The following DRAM1 variants were observed in gnomAD, a reference collection of about 807,000 sequenced individuals.
DRAM1 encodes the protein DNA damage regulated autophagy modulator 1.
In DRAM1, 25 loss-of-function variants were observed where a neutral mutation model predicts 28.5. The ratio of observed to expected loss-of-function variants is 0.88; its 90% CI spans 0.64 to 1.23. The LOEUF is 1.23. Among genes scored for constraint, DRAM1 ranks in the 50% most tolerant of loss-of-function variants. DRAM1 has a pLI of 0.00. For synonymous variants in DRAM1, 113 were observed against 114.2 expected, an observed-to-expected ratio of 0.99 and a Z score of 0.07; for missense variants, 249 against 299.2, an observed-to-expected ratio of 0.83 and a Z score of 1.24.
In DRAM1 at chr12:101,901,374, GT is replaced by G; in HGVS notation, c.284del (p.Val95GlyfsTer3). 1 of 1,614,104 alleles carries G rather than the reference GT, an allele frequency of 6.2e-7. No individual in the cohort carries two copies. Among genetic ancestry groups the G allele is most frequent in the Non-Finnish European group, 8.5e-7 (1 of 1,180,028 alleles). ...CYFSTPVFNL[V>X]SLVLGLVGCF... Reference sequence around the variant, plus strand: ...TTTCAGCACTCCTGTTTTTAACTTGGTGTCTTTAGTGCTTGGATTGGTGGGA... The same window carrying G: ...TTTCAGCACTCCTGTTTTTAACTTGGGTCTTTAGTGCTTGGATTGGTGGGA... On this transcript the variant is annotated frameshift_variant, in exon 3 of 7. Transcript: ENST00000258534. LOFTEE classifies it high-confidence loss of function.
chr12:101,912,538 A>T (rs115351552), intron 4 of DRAM1, among the ~76,000 whole-genome samples: 431 of 152,288 alleles, frequency 2.8e-3, no homozygotes, highest in African/African-American at 9.8e-3. Context: ...TAAACGAAAT[A>T]ATTAAGAGGC....
At chr12:101,905,325 A>G (rs1226886224) in intron 3 of DRAM1, among the ~76,000 whole-genome samples, 1 of 152,078 alleles carries the variant, frequency 6.6e-6, no homozygotes. Flanking sequence ...TCTGTTGCTC[A>G]GGCTGGAGTG....
At chr12:101,892,323 C>T (rs4764833) in intron 1 of DRAM1, among the ~76,000 whole-genome samples, 96,477 of 151,210 alleles carry the variant, frequency 0.64, 32,398 homozygotes, top group East Asian at 0.91. Flanking sequence ...GCAACCTCCA[C>T]CTCCTGGGTT....
At chr12:101,904,951 A>G (rs765163590) in intron 3 of DRAM1, among the ~76,000 whole-genome samples, 2 of 152,174 alleles carry the variant, frequency 1.3e-5, no homozygotes, top group Non-Finnish European at 2.9e-5. Context: ...CTGGAATGCA[A>G]TAGCACAATC....
intron 5 of DRAM1, among the ~76,000 whole-genome samples, chr12:101,917,943 C>T (rs764628419): frequency 6.6e-6 from 1 of 152,090 alleles, no homozygotes; most frequent in Non-Finnish European, 1.5e-5. Context: ...ATCACAAACC[C>T]GCTGCTGGGA....
intron 1 of DRAM1, among the ~76,000 whole-genome samples, chr12:101,893,488 A>T (rs1156782624): frequency 6.6e-6 from 1 of 152,156 alleles, no homozygotes; most frequent in Admixed American, 6.6e-5. Context: ...GCCCCCAATC[A>T]TTCTCCTAAT....
intron 1 of DRAM1, among the ~76,000 whole-genome samples, chr12:101,895,198 T>TTTGTTTTGTTTTTTTTTTTG (rs1404559516): frequency 7.8e-6 from 1 of 128,772 alleles, no homozygotes; most frequent in Non-Finnish European, 1.6e-5. Context: ...TTTTTTTTTT[T>TTTGTTTTGTTTTTTTTTTTG]TTTTTTTTTT....
chr12:101,907,723 G>T (rs1426489955), intron 3 of DRAM1, among the ~76,000 whole-genome samples: 1 of 152,186 alleles, frequency 6.6e-6, no homozygotes, highest in Non-Finnish European at 1.5e-5. Flanking sequence ...TGGGCAGCAA[G>T]AGTGAAACTC....
At chr12:101,909,922 A>G (rs1873976581) in intron 4 of DRAM1, among the ~76,000 whole-genome samples, 1 of 152,244 alleles carries the variant, frequency 6.6e-6, no homozygotes, top group Non-Finnish European at 1.5e-5. Context: ...GACTAATGTC[A>G]GATTGTAGGA....
intron 1 of DRAM1, among the ~76,000 whole-genome samples, chr12:101,893,038 G>A (rs17032035): frequency 6.6e-6 from 1 of 152,234 alleles, no homozygotes; most frequent in Non-Finnish European, 1.5e-5. Context: ...GATGGTGGGT[G>A]TTATAGCCTC....
At chr12:101,917,128 A>C (rs906748801) in intron 5 of DRAM1, among the ~76,000 whole-genome samples, 2 of 152,394 alleles carry the variant, frequency 1.3e-5, no homozygotes, top group Non-Finnish European at 2.9e-5. Context: ...TTTGTCAAAA[A>C]GTAGTTTCAG....
chr12:101,889,940 C>CA (rs778793274), intron 1 of DRAM1: 26,640 of 240,872 alleles, frequency 0.11, 759 homozygotes, highest in East Asian at 0.16. Context: ...GACTCTGTCT[C>CA]AAAAAAAAAA....
At chr12:101,903,988 AATT>A (rs1415099724) in intron 3 of DRAM1, among the ~76,000 whole-genome samples, 7 of 151,766 alleles carry the variant, frequency 4.6e-5, no homozygotes, top group African/African-American at 9.7e-5. Context: ...AAATATGAAC[AATT>A]ATTATTATTT....
At chr12:101,907,816 A>T (rs529097124) in intron 3 of DRAM1, among the ~76,000 whole-genome samples, 2 of 152,194 alleles carry the variant, frequency 1.3e-5, no homozygotes, top group Non-Finnish European at 2.9e-5. Flanking sequence ...TGCAAGACTG[A>T]GATGATTATG....
chr12:101,896,922 G>A (rs1210446573), intron 1 of DRAM1, among the ~76,000 whole-genome samples: 1 of 151,836 alleles, frequency 6.6e-6, no homozygotes, highest in Admixed American at 6.6e-5. Flanking sequence ...TGAGTAGCTG[G>A]GGTTACAGGC....
chr12:101,879,939 C>G (rs1161725465), intron 1 of DRAM1, among the ~76,000 whole-genome samples: 1 of 150,956 alleles, frequency 6.6e-6, no homozygotes, highest in Non-Finnish European at 1.5e-5. Context: ...TGCAGTGAGC[C>G]GAGACAGAGC....
intron 5 of DRAM1, 125 bp downstream of exon 5, chr12:101,914,357 C>A (rs1199066536): frequency 3.7e-6 from 2 of 546,806 alleles, no homozygotes; most frequent in African/African-American, 3.9e-5. Flanking sequence ...ATAAACATGG[C>A]ATGTAATCAA....
intron 5 of DRAM1, 152 bp downstream of exon 5, chr12:101,914,384 T>C (rs1220721816): frequency 2.0e-6 from 1 of 497,480 alleles, no homozygotes; most frequent in African/African-American, 2.0e-5. Flanking sequence ...GTCCAATCAT[T>C]TGGCAGTATG....
chr12:101,915,475 G>A (rs1218797344), intron 5 of DRAM1, among the ~76,000 whole-genome samples: 1 of 152,040 alleles, frequency 6.6e-6, no homozygotes, highest in Non-Finnish European at 1.5e-5. Flanking sequence ...CTGTGCAAGG[G>A]TGTAGTGGCT....
Sources: gnomAD v4.1 joint callset for allele counts (sites outside exome capture counted in the v4.1 genomes callset) on GRCh38, gnomAD v4.1.1 for gene constraint, MANE v1.5 for transcripts, NCBI Gene and HGNC (gene_info 2026-07-23, HGNC 2026-07-21) for gene names.